TNC: variants seen among roughly 807,000 people sequenced by gnomAD.
TNC encodes tenascin C.
Under a neutral mutation model 202.4 loss-of-function variants are expected in TNC, and 109 were observed. The ratio of observed to expected loss-of-function variants is 0.54; its 90% CI spans 0.46 to 0.63. The LOEUF (loss-of-function observed/expected upper bound fraction) is 0.63, where lower values mean the gene tolerates loss of function less well. Among genes scored for constraint, TNC ranks in the 30% least tolerant of loss-of-function variants. The pLI is 0.00. For synonymous variants in TNC, 1,007 were observed against 1,089.7 expected, an observed-to-expected ratio of 0.92 and a Z score of 1.50; for missense variants, 2,756 against 2,833.3, an observed-to-expected ratio of 0.97 and a Z score of 0.62.
intron 6 of TNC, among the ~76,000 whole-genome samples, chr9:115,079,802 C>T (rs1352020245): frequency 1.3e-5 from 2 of 152,156 alleles, no homozygotes; most frequent in Non-Finnish European, 2.9e-5. Flanking sequence ...CATCCTTTTC[C>T]CCCTTTACAT....
chr9:115,107,318 G>T (rs1323396502), intron 1 of TNC, among the ~76,000 whole-genome samples: 1 of 152,128 alleles, frequency 6.6e-6, no homozygotes, highest in Non-Finnish European at 1.5e-5. Context: ...AAACAAATGA[G>T]CATGGCTGTG....
chr9:115,035,116 A>G, intron 22 of TNC, 88 bp downstream of exon 22: 1 of 1,452,154 alleles, frequency 6.9e-7, no homozygotes, highest in Non-Finnish European at 9.1e-7. Context: ...ACTGGGGTAG[A>G]AAAACAGCAT....
intron 15 of TNC, among the ~76,000 whole-genome samples, chr9:115,050,121 A>G (rs1547691): frequency 0.75 from 114,203 of 152,106 alleles, 43,525 homozygotes; most frequent in African/African-American, 0.86. Context: ...GATAAGTGGC[A>G]TCTCTCTTTG....
chr9:115,088,382 C>T (rs1361705699), intron 2 of TNC, among the ~76,000 whole-genome samples: 1 of 152,110 alleles, frequency 6.6e-6, no homozygotes, highest in Admixed American at 6.5e-5. Context: ...ATAAGGACAC[C>T]TTTCAGTTTG....
chr9:115,025,239 C>A (rs1829389522), intron 26 of TNC, among the ~76,000 whole-genome samples: 1 of 152,182 alleles, frequency 6.6e-6, no homozygotes, highest in South Asian at 2.1e-4. Context: ...CCATCTCAAC[C>A]AAAGAGGTAT....
chr9:115,097,741 G>A (rs927802272), intron 1 of TNC, among the ~76,000 whole-genome samples: 4 of 152,190 alleles, frequency 2.6e-5, no homozygotes, highest in African/African-American at 9.7e-5. Context: ...ATCTCCTTGT[G>A]GGTGCCAGAT....
intron 10 of TNC, among the ~76,000 whole-genome samples, chr9:115,067,138 G>T (rs1313555572): frequency 6.6e-6 from 1 of 152,192 alleles, no homozygotes; most frequent in East Asian, 1.9e-4. Flanking sequence ...TAATCCTGCT[G>T]GGCCTTGTGA....
intron 5 of TNC, 36 bp downstream of exon 5, chr9:115,082,656 T>C (rs757844234): frequency 1.4e-6 from 2 of 1,460,858 alleles, no homozygotes; most frequent in African/African-American, 2.8e-5. Flanking sequence ...TTCAAATCCT[T>C]GAGATCAAAT....
intron 1 of TNC, among the ~76,000 whole-genome samples, chr9:115,110,962 C>T (rs1215148707): frequency 6.7e-6 from 1 of 149,874 alleles, no homozygotes; most frequent in Non-Finnish European, 1.5e-5. Flanking sequence ...TAACTGCAAG[C>T]TCCGCCTCCC....
intron 1 of TNC, among the ~76,000 whole-genome samples, chr9:115,117,254 G>T (rs899689422): frequency 1.3e-5 from 2 of 152,024 alleles, no homozygotes; most frequent in African/African-American, 2.4e-5. Context: ...GGGGCAGCAG[G>T]GTTCCCATAC....
At chr9:115,072,789 A>G (rs181814248) in intron 10 of TNC, among the ~76,000 whole-genome samples, 1 of 152,346 alleles carries the variant, frequency 6.6e-6, no homozygotes. Flanking sequence ...GGAAGTAAAG[A>G]CTATTACTTG....
intron 15 of TNC, among the ~76,000 whole-genome samples, chr9:115,054,448 T>G (rs1831941441): frequency 6.6e-6 from 1 of 152,242 alleles, no homozygotes; most frequent in African/African-American, 2.4e-5. Context: ...ACTCTGTTAT[T>G]TCCCTATATT....
intron 16 of TNC, among the ~76,000 whole-genome samples, chr9:115,047,423 T>G (rs1831290914): frequency 6.6e-6 from 1 of 152,120 alleles, no homozygotes; most frequent in South Asian, 2.1e-4. Context: ...TTTCCCAAAG[T>G]GTGCTCACAG....
At position 115,086,389 on chromosome 9, in the gene TNC, G is replaced by T; in HGVS notation, c.1342C>A (p.Arg448Ser). Residue 448 changes from arginine to serine, a missense_variant, in exon 3 of 28, where the codon CGC (arginine) becomes AGC (serine). Around this residue, in one of 2 missense-constraint regions of TNC, gnomAD observed 2,559 missense variants for 2,546.0 expected, o/e 1.01. Transcript: ENST00000350763. ...RCPNDCHSRGRCVEGKCVCEQ... is the reference protein window; with the variant it reads ...RCPNDCHSRGSCVEGKCVCEQ... ...CATACACATTTGCCCTCGACACAGC[G>T]GCCCCGACTGTGACAGTCATTGGGG... is the stretch of plus-strand genomic sequence containing the variant. The T allele has an allele frequency of 6.2e-7, 1 of 1,614,094 alleles. No homozygotes were observed. Among genetic ancestry groups the T allele is most frequent in the South Asian group, 1.1e-5 (1 of 91,084 alleles).
At chr9:115,096,954 T>G (rs965049038) in intron 1 of TNC, among the ~76,000 whole-genome samples, 8 of 152,182 alleles carry the variant, frequency 5.3e-5, no homozygotes, top group African/African-American at 1.9e-4. Flanking sequence ...CTAATGTCTC[T>G]TTCTGTCTGC....
chr9:115,098,938 A>ATTTTTTTT (rs35624621), intron 1 of TNC, among the ~76,000 whole-genome samples: 24 of 127,318 alleles, frequency 1.9e-4, no homozygotes, highest in South Asian at 1.8e-3. Flanking sequence ...TTAAGTGTGT[A>ATTTTTTTT]TTTTTTTTTT....
At chr9:115,037,437 C>T (rs1830414849) in intron 20 of TNC, among the ~76,000 whole-genome samples, 1 of 152,228 alleles carries the variant, frequency 6.6e-6, no homozygotes, top group Non-Finnish European at 1.5e-5. Context: ...TTTGCTGGTG[C>T]TCTAAACAAG....
chr9:115,047,880 G>C (rs1388792286), intron 16 of TNC, among the ~76,000 whole-genome samples: 2 of 152,138 alleles, frequency 1.3e-5, no homozygotes, highest in African/African-American at 4.8e-5. Context: ...GATGGCAAAA[G>C]TTTTAAATAC....
intron 1 of TNC, among the ~76,000 whole-genome samples, chr9:115,093,270 A>T (rs1293855752): frequency 1.3e-5 from 2 of 152,188 alleles, no homozygotes; most frequent in African/African-American, 4.8e-5. Flanking sequence ...TCTTATTGAC[A>T]CTTTACCAAC....
Sources: allele counts gnomAD v4.1 joint callset (sites outside exome capture counted in the v4.1 genomes callset), GRCh38; gene constraint gnomAD v4.1.1; regional missense constraint gnomAD v4.1.1; transcripts MANE v1.5; gene names NCBI Gene and HGNC (gene_info 2026-07-23, HGNC 2026-07-21).